The following CDC14A variants were observed in gnomAD, a reference collection of about 807,000 sequenced individuals.
The protein encoded by CDC14A is dual specificity protein phosphatase CDC14A.
CDC14A carries 53 observed loss-of-function variants against 74.4 expected under a neutral mutation model. The observed-to-expected ratio is 0.71, with a 90% CI of 0.57 to 0.89. The LOEUF is 0.89. Among genes scored for constraint, CDC14A ranks in the 40% least tolerant of loss-of-function variants. The probability of loss-of-function intolerance (pLI) is 0.00; values close to 1 mark genes in which losing one functional copy is unlikely to be tolerated. For synonymous variants in CDC14A, 247 were observed against 258.4 expected, an observed-to-expected ratio of 0.96 and a Z score of 0.43; for missense variants, 646 against 713.7, an observed-to-expected ratio of 0.91 and a Z score of 1.08.
At chr1:100,427,504 C>T (rs1663096596) in intron 5 of CDC14A, among the ~76,000 whole-genome samples, 1 of 152,162 alleles carries the variant, frequency 6.6e-6, no homozygotes, top group Non-Finnish European at 1.5e-5. Flanking sequence ...AAGCCTTCCT[C>T]ATTTTTCTGG....
At position 100,484,468 on chromosome 1, in the gene CDC14A, A is replaced by C. The variant is rs1259397371; in HGVS notation, c.1137+17A>C. The C allele has an allele frequency of 6.3e-7, 1 of 1,587,960 alleles. No individual in the cohort carries two copies. On this transcript the variant is annotated intron_variant, in intron 11 of 15. Transcript: ENST00000336454. ...TTTGGAGAGGTAAGTTTTCCCTAGG[A>C]GATTCTATCTTCTTAAAACTGATGT...
At chr1:100,356,419 C>T (rs1651886416) in intron 2 of CDC14A, among the ~76,000 whole-genome samples, 1 of 151,680 alleles carries the variant, frequency 6.6e-6, no homozygotes, top group Non-Finnish European at 1.5e-5. Flanking sequence ...GGGTCACTTG[C>T]CCAAGGTCAC....
intron 4 of CDC14A, among the ~76,000 whole-genome samples, chr1:100,420,072 A>ATATATATG (rs1259428437): frequency 1.5e-4 from 16 of 108,054 alleles, no homozygotes; most frequent in African/African-American, 5.6e-4. Flanking sequence ...ACATATATAT[A>ATATATATG]TATATATATA....
chr1:100,350,087 G>C (rs1650798612), upstream of CDC14A, among the ~76,000 whole-genome samples: 1 of 152,170 alleles, frequency 6.6e-6, no homozygotes, highest in Non-Finnish European at 1.5e-5. Context: ...TAGTAGCTGG[G>C]ATTACAGGTG....
At chr1:100,501,453 T>C (rs1211430365) in intron 15 of CDC14A, among the ~76,000 whole-genome samples, 1 of 152,230 alleles carries the variant, frequency 6.6e-6, no homozygotes, top group Non-Finnish European at 1.5e-5. Flanking sequence ...CCTAGTGACG[T>C]CGTAGCCCTC....
chr1:100,440,180 G>A (rs1381406034), intron 6 of CDC14A, among the ~76,000 whole-genome samples, 182 bp downstream of exon 6: 2 of 152,216 alleles, frequency 1.3e-5, no homozygotes, highest in Non-Finnish European at 2.9e-5. Context: ...ACTGGGAGGA[G>A]GGAGTGGCAG....
intron 5 of CDC14A, among the ~76,000 whole-genome samples, chr1:100,426,328 C>T (rs1662954943): frequency 6.6e-6 from 1 of 152,030 alleles, no homozygotes; most frequent in African/African-American, 2.4e-5. Flanking sequence ...TGCCAAGCTG[C>T]TCTTGAACCC....
chr1:100,423,932 G>A, intron 4 of CDC14A: 1 of 336,140 alleles, frequency 3.0e-6, no homozygotes, highest in Non-Finnish European at 5.8e-6. Flanking sequence ...ATATTATGAG[G>A]GTACAACTGT....
intron 10 of CDC14A, among the ~76,000 whole-genome samples, chr1:100,481,331 T>TA (rs1218076170): frequency 2.0e-5 from 3 of 152,068 alleles, no homozygotes; most frequent in Non-Finnish European, 4.4e-5. Context: ...AGGATAAAGA[T>TA]AAAGAGTTCG....
chr1:100,352,691 A>G lies in CDC14A; in HGVS notation c.-264A>G. On this transcript the variant is annotated 5_prime_UTR_variant, in exon 1 of 16. Transcript: ENST00000336454. ...GCGGCGGCGGAGCAGCAGCTGCAGC[A>G]GCCGAGTCCAAATAGGAGCGGCCAC... 7.5e-7 allele frequency: 1 copy of G among 1,329,348 alleles called. No individual in the cohort carries two copies. The highest frequency in any genetic ancestry group is 1.6e-5 in the African/African-American group (1 of 63,976). 82.3% of individuals were successfully genotyped at this position (1,329,348 alleles called of 1,614,324 possible).
chr1:100,518,264 A>C lies in CDC14A; in HGVS notation c.1769A>C (p.Glu590Ala). ...LSRSIPSLQS[E>A]YVHY The stretch of plus-strand genomic sequence containing the variant: ...CTCCCTGCACAGTCCCTTCAGTCTG[A>C]ATATGTTCATTACTAAGGCCTTGCC... Residue 590 changes from glutamate (E) to alanine (A), a missense_variant, in exon 16 of 16, where the codon GAA becomes GCA. By Grantham distance (107) the Glu-to-Ala change is moderately radical (BLOSUM62 -1). Coordinates refer to ENST00000336454, the MANE Select transcript of CDC14A (RefSeq NM_003672.4). 6.2e-7 allele frequency: 1 copy of C among 1,611,680 alleles called. No homozygotes were observed. Among genetic ancestry groups the C allele is most frequent in the Non-Finnish European group, 8.5e-7 (1 of 1,178,066 alleles).
At chr1:100,399,022 C>T (rs1399904393) in intron 4 of CDC14A, among the ~76,000 whole-genome samples, 1 of 151,926 alleles carries the variant, frequency 6.6e-6, no homozygotes, top group African/African-American at 2.4e-5. Flanking sequence ...TTTTAAATGT[C>T]CGTTTTGAAA....
intron 2 of CDC14A, among the ~76,000 whole-genome samples, chr1:100,366,492 A>G (rs1250051652): frequency 1.3e-5 from 2 of 152,250 alleles, no homozygotes; most frequent in African/African-American, 4.8e-5. Context: ...ATAATGGTAC[A>G]TCATAAACTT....
chr1:100,487,110 A>G (rs1442309056), intron 11 of CDC14A, among the ~76,000 whole-genome samples: 1 of 152,234 alleles, frequency 6.6e-6, no homozygotes, highest in Non-Finnish European at 1.5e-5. Flanking sequence ...GTATATATAG[A>G]AAGTGCAAAA....
chr1:100,468,861 C>A (rs191264840), intron 10 of CDC14A, among the ~76,000 whole-genome samples: 3 of 152,008 alleles, frequency 2.0e-5, no homozygotes, highest in Non-Finnish European at 4.4e-5. Context: ...TTAGTGATAT[C>A]TTTTACTGAA....
chr1:100,418,638 G>C (rs1661845931), intron 4 of CDC14A, among the ~76,000 whole-genome samples: 1 of 152,146 alleles, frequency 6.6e-6, no homozygotes, highest in African/African-American at 2.4e-5. Flanking sequence ...GTTAGTCCTA[G>C]AGTACGGTGA....
chr1:100,468,618 G>A (rs1668082522), intron 10 of CDC14A, among the ~76,000 whole-genome samples: 1 of 152,170 alleles, frequency 6.6e-6, no homozygotes, highest in African/African-American at 2.4e-5. Flanking sequence ...CCACTAACTA[G>A]CTTTATGACC....
intron 5 of CDC14A, among the ~76,000 whole-genome samples, chr1:100,431,493 T>C (rs1663675172): frequency 6.6e-6 from 1 of 152,146 alleles, no homozygotes; most frequent in Non-Finnish European, 1.5e-5. Context: ...TTGAATGTTA[T>C]GAAAAGCTCT....
intron 7 of CDC14A, among the ~76,000 whole-genome samples, chr1:100,450,453 G>A (rs989551010): frequency 2.3e-4 from 35 of 152,182 alleles, no homozygotes; most frequent in African/African-American, 8.0e-4. Flanking sequence ...GGGTCAAGCA[G>A]TCCTCAGAAT....
Sources: gnomAD v4.1 joint callset for allele counts (sites outside exome capture counted in the v4.1 genomes callset) on GRCh38, gnomAD v4.1.1 for gene constraint, MANE v1.5 for transcripts, NCBI Gene and HGNC (gene_info 2026-07-23, HGNC 2026-07-21) for gene names.